Variants in KCNMB2 observed in about 807,000 individuals in gnomAD.
KCNMB2 encodes potassium calcium-activated channel subfamily M regulatory beta subunit 2, also known as calcium-activated potassium channel subunit beta-2.
KCNMB2 carries 9 observed loss-of-function variants against 24.5 expected under a neutral mutation model. The ratio of observed to expected loss-of-function variants is 0.37; its 90% CI spans 0.22 to 0.64. KCNMB2 has a LOEUF of 0.64. KCNMB2 is among the 30% of genes least tolerant of loss of function. KCNMB2 has a pLI of 0.63. For synonymous variants in KCNMB2, 109 were observed against 104.4 expected, an observed-to-expected ratio of 1.04 and a Z score of -0.27; for missense variants, 226 against 284.3, an observed-to-expected ratio of 0.79 and a Z score of 1.47.
At chr3:178,708,688 TATTTC>T (rs1205645049) in intron 1 of KCNMB2, among the ~76,000 whole-genome samples, 2 of 152,132 alleles carry the variant, frequency 1.3e-5, no homozygotes, top group African/African-American at 2.4e-5. Context: ...TTACCTGCTT[TATTTC>T]ATTTAATTCT....
At chr3:178,702,700 T>C (rs558469264) in intron 1 of KCNMB2, among the ~76,000 whole-genome samples, 2 of 152,294 alleles carry the variant, frequency 1.3e-5, no homozygotes, top group South Asian at 4.1e-4. Context: ...TACACAAATA[T>C]CAGTGCTAAA....
chr3:178,707,540 C>A (rs1347218000), intron 1 of KCNMB2, among the ~76,000 whole-genome samples: 1 of 152,122 alleles, frequency 6.6e-6, no homozygotes, highest in Admixed American at 6.6e-5. Flanking sequence ...GTGATTACCT[C>A]ACAGTAATTC....
At chr3:178,757,265 T>G (rs1362184962) in intron 1 of KCNMB2, 5 of 137,052 alleles carry the variant, frequency 3.6e-5, no homozygotes, top group African/African-American at 1.1e-4. Flanking sequence ...TATACACGTG[T>G]GTGTGTGTAT....
intron 1 of KCNMB2, among the ~76,000 whole-genome samples, chr3:178,609,970 G>A (rs1718424227): frequency 1.3e-5 from 2 of 152,096 alleles, no homozygotes; most frequent in African/African-American, 4.8e-5. Flanking sequence ...AAGAGACAAA[G>A]TTCTAGTTTC....
chr3:178,571,840 T>C (rs1716812955), intron 1 of KCNMB2, among the ~76,000 whole-genome samples: 1 of 152,138 alleles, frequency 6.6e-6, no homozygotes, highest in African/African-American at 2.4e-5. Context: ...AGCCCATCCA[T>C]GTCCCTGCAA....
chr3:178,537,056 C>G (rs1715434067), intron 1 of KCNMB2, among the ~76,000 whole-genome samples: 1 of 152,076 alleles, frequency 6.6e-6, no homozygotes, highest in Non-Finnish European at 1.5e-5. Flanking sequence ...CGAGTGAAGA[C>G]TTTGGTGGGT....
intron 1 of KCNMB2, among the ~76,000 whole-genome samples, chr3:178,546,271 G>A (rs927756655): frequency 1.6e-4 from 25 of 152,080 alleles, no homozygotes; most frequent in African/African-American, 4.8e-4. Flanking sequence ...CCATTGACAC[G>A]TGGATTTAGT....
intron 1 of KCNMB2, among the ~76,000 whole-genome samples, chr3:178,671,309 A>C (rs1187799860): frequency 6.6e-6 from 1 of 151,966 alleles, no homozygotes; most frequent in Admixed American, 6.5e-5. Context: ...TACAAGAAAA[A>C]CCACTTTTCA....
chr3:178,738,774 T>C (rs1444627448), intron 1 of KCNMB2, among the ~76,000 whole-genome samples: 1 of 152,138 alleles, frequency 6.6e-6, no homozygotes, highest in Non-Finnish European at 1.5e-5. Flanking sequence ...TACTTTTCCT[T>C]CACTGAAACA....
chr3:178,551,160 C>T (rs926045701), intron 1 of KCNMB2, among the ~76,000 whole-genome samples: 1 of 152,208 alleles, frequency 6.6e-6, no homozygotes, highest in East Asian at 1.9e-4. Flanking sequence ...TGACAAAGGG[C>T]CGGTGAGGAT....
intron 1 of KCNMB2, among the ~76,000 whole-genome samples, chr3:178,687,797 G>C (rs1448785690): frequency 6.6e-6 from 1 of 151,734 alleles, no homozygotes; most frequent in Non-Finnish European, 1.5e-5. Context: ...TTGAGTAAAG[G>C]AAAAGAAAGA....
intron 1 of KCNMB2, among the ~76,000 whole-genome samples, chr3:178,762,037 A>T (rs1378346105): frequency 6.6e-6 from 1 of 151,238 alleles, no homozygotes; most frequent in African/African-American, 2.4e-5. Context: ...CAGGCGTCGT[A>T]GCGGGCGCCT....
chr3:178,839,018 T>G (rs976587413), intron 4 of KCNMB2, among the ~76,000 whole-genome samples: 2 of 152,206 alleles, frequency 1.3e-5, no homozygotes, highest in African/African-American at 4.8e-5. Flanking sequence ...GCAGTGATTC[T>G]GTCAGAAACC....
intron 1 of KCNMB2, among the ~76,000 whole-genome samples, chr3:178,802,539 T>A (rs1480334259): frequency 6.6e-6 from 1 of 152,056 alleles, no homozygotes; most frequent in Admixed American, 6.6e-5. Context: ...AGAAAGAGTA[T>A]CCATAAATAA....
chr3:178,603,896 T>C (rs947380029), intron 1 of KCNMB2, among the ~76,000 whole-genome samples: 5 of 152,128 alleles, frequency 3.3e-5, no homozygotes, highest in African/African-American at 1.2e-4. Flanking sequence ...ATTGCACATA[T>C]ACTGGTCTAA....
At chr3:178,538,049 T>C (rs1172480752) in intron 1 of KCNMB2, among the ~76,000 whole-genome samples, 1 of 152,252 alleles carries the variant, frequency 6.6e-6, no homozygotes. Context: ...AATAGGGCTT[T>C]TGCTCTTCTC....
At chr3:178,611,353 C>T (rs940234802) in intron 1 of KCNMB2, among the ~76,000 whole-genome samples, 4 of 152,078 alleles carry the variant, frequency 2.6e-5, no homozygotes, top group Non-Finnish European at 4.4e-5. Flanking sequence ...TTTGGAACCT[C>T]TCTCTTTTTT....
Position 178,617,665 on chromosome 3 carries a change from G to A in KCNMB2, c.-68+80954G>A, listed in dbSNP as rs369668489. Among the ~76,000 whole-genome samples the A allele has an allele frequency of 6.1e-3, 919 of 151,554 alleles. 9 individuals carry two copies. The highest frequency in any genetic ancestry group is 0.02 in the African/African-American group (846 of 41,330). ...AGCACTTTGGGAGGCCAAGGCAGGC[G>A]GATCACAAGGTCAGGAGATCAAGAT... On this transcript the variant is annotated intron_variant, in intron 1 of 4. Coordinates refer to ENST00000452583, the MANE Select transcript of KCNMB2 (RefSeq NM_181361.3).
intron 1 of KCNMB2, among the ~76,000 whole-genome samples, chr3:178,783,125 G>A (rs1327745876): frequency 2.6e-5 from 4 of 151,894 alleles, no homozygotes; most frequent in Non-Finnish European, 4.4e-5. Flanking sequence ...TATTTCTGAG[G>A]GCTCTGTTCT....
Sources: allele counts gnomAD v4.1 joint callset (sites outside exome capture counted in the v4.1 genomes callset), GRCh38; gene constraint gnomAD v4.1.1; transcripts MANE v1.5; gene names NCBI Gene and HGNC (gene_info 2026-07-23, HGNC 2026-07-21).